The following ELF1 variants were observed in gnomAD, a reference collection of about 807,000 sequenced individuals.
ELF1 encodes the protein ETS-related transcription factor Elf-1.
In ELF1, 24 loss-of-function variants were observed where a neutral mutation model predicts 59.9. That is an observed-to-expected ratio of 0.40 (90% CI 0.29 to 0.56). ELF1 has a LOEUF of 0.56. Among genes scored for constraint, ELF1 ranks in the 20% least tolerant of loss-of-function variants. The probability of loss-of-function intolerance (pLI) is 0.44; values close to 1 mark genes in which losing one functional copy is unlikely to be tolerated. For synonymous variants in ELF1, 248 were observed against 266.2 expected, an observed-to-expected ratio of 0.93 and a Z score of 0.67; for missense variants, 627 against 742.2, an observed-to-expected ratio of 0.84 and a Z score of 1.80.
chr13:41,056,510 G>C (rs945021176), intron 1 of ELF1, among the ~76,000 whole-genome samples: 2 of 152,174 alleles, frequency 1.3e-5, no homozygotes, highest in Non-Finnish European at 2.9e-5. Context: ...GGAAATACTG[G>C]ATCATATGGT....
chr13:40,953,598 T>G (rs1389205815), intron 3 of ELF1, among the ~76,000 whole-genome samples: 1 of 152,154 alleles, frequency 6.6e-6, no homozygotes, highest in Non-Finnish European at 1.5e-5. Context: ...GAAAATAAAT[T>G]TCTCATTTGA....
At chr13:41,027,675 A>G (rs1269018295) in intron 1 of ELF1, among the ~76,000 whole-genome samples, 1 of 152,202 alleles carries the variant, frequency 6.6e-6, no homozygotes, top group Non-Finnish European at 1.5e-5. Flanking sequence ...GCTTCTCCCA[A>G]AACTACCATC....
intron 1 of ELF1, among the ~76,000 whole-genome samples, chr13:41,006,426 G>A (rs1039118277): frequency 1.3e-5 from 2 of 152,142 alleles, no homozygotes; most frequent in South Asian, 2.1e-4. Context: ...CTGATGCTTA[G>A]TGAAATAACC....
rs1456096696 is a variant in ELF1, at chr13:40,982,017, T to G, written c.38A>C (p.Glu13Ala). 1.9e-6 allele frequency: 3 copies of G among 1,612,116 alleles called. No homozygotes were observed. The highest frequency in any genetic ancestry group is 2.5e-6 in the Non-Finnish European group (3 of 1,179,022). Residue 13 changes from glutamate to alanine, a missense_variant, in exon 2 of 9, where the codon GAA (glutamate) becomes GCA (alanine). Around this residue, in one of 3 missense-constraint regions of ELF1, gnomAD observed 232 missense variants for 269.2 expected, o/e 0.86. Transcript: ENST00000239882. ...ATCCTCCATGACGTTACTAGCAAATTCAAATACTAGGTCGTTCTGTTGGAC... is the reference window on the plus strand; with the variant it reads ...ATCCTCCATGACGTTACTAGCAAATGCAAATACTAGGTCGTTCTGTTGGAC... Reference protein sequence around the residue: ...AVVQQNDLVFEFASNVMEDER... With the variant: ...AVVQQNDLVFAFASNVMEDER...
intron 1 of ELF1, among the ~76,000 whole-genome samples, chr13:40,994,996 A>AT (rs1293107977): frequency 6.6e-6 from 1 of 152,010 alleles, no homozygotes; most frequent in Non-Finnish European, 1.5e-5. Flanking sequence ...TCCCCAGGAG[A>AT]TTTTGCTACA....
intron 1 of ELF1, chr13:40,993,383 C>T: frequency 1.1e-6 from 1 of 911,052 alleles, no homozygotes; most frequent in Non-Finnish European, 1.8e-6. Context: ...GGGCAGTGCA[C>T]CGATGGGTCT....
At chr13:40,962,275 T>G (rs996615710) in intron 2 of ELF1, among the ~76,000 whole-genome samples, 3 of 152,224 alleles carry the variant, frequency 2.0e-5, no homozygotes, top group African/African-American at 7.2e-5. Flanking sequence ...TAATAATTTT[T>G]AAACTATTTA....
intron 1 of ELF1, among the ~76,000 whole-genome samples, chr13:41,004,645 C>T (rs549467486): frequency 6.6e-6 from 1 of 151,930 alleles, no homozygotes; most frequent in Non-Finnish European, 1.5e-5. Flanking sequence ...TTTACAGAAT[C>T]CTGATATACT....
At chr13:41,040,707 C>T (rs74932668) in intron 1 of ELF1, among the ~76,000 whole-genome samples, 6 of 152,218 alleles carry the variant, frequency 3.9e-5, no homozygotes, top group African/African-American at 7.2e-5. Flanking sequence ...CAGTAATGCT[C>T]GCTCATCTGC....
At chr13:41,032,123 G>T (rs1225275748) in intron 1 of ELF1, among the ~76,000 whole-genome samples, 2 of 151,774 alleles carry the variant, frequency 1.3e-5, no homozygotes, top group Non-Finnish European at 2.9e-5. Context: ...TTTGTCATTA[G>T]TAAAATTTAA....
At chr13:41,047,416 C>CTTGGT in intron 1 of ELF1, among the ~76,000 whole-genome samples, 1 of 152,254 alleles carries the variant, frequency 6.6e-6, no homozygotes, top group East Asian at 1.9e-4. Flanking sequence ...GTTTTATCTA[C>CTTGGT]CTTTGGTCTT....
intron 1 of ELF1, among the ~76,000 whole-genome samples, chr13:41,017,224 A>G (rs150164967): frequency 3.5e-4 from 53 of 152,124 alleles, no homozygotes; most frequent in African/African-American, 1.3e-3. Context: ...TATCACCAAG[A>G]TTATCACCAA....
rs763093221 is a variant in ELF1 at position 40,951,449 on chromosome 13, T to C, written c.254-13A>G. 2 of 1,611,190 alleles carry C rather than the reference T, an allele frequency of 1.2e-6. No homozygotes were observed. The highest frequency in any genetic ancestry group is 2.2e-5 in the East Asian group (1 of 44,830). On this transcript the variant is annotated splice_polypyrimidine_tract_variant and intron_variant, in intron 3 of 8. Coordinates refer to ENST00000239882, the MANE Select transcript of ELF1 (RefSeq NM_172373.4). ...CAAGAAGCTTCAACTGCAACACATTTAAAGAGAAAATTAAATTAACTACGA... is the reference window on the plus strand; with the variant it reads ...CAAGAAGCTTCAACTGCAACACATTCAAAGAGAAAATTAAATTAACTACGA...
At position 40,955,710 on chromosome 13, in the gene ELF1, T is replaced by G. The variant is rs935144320; in HGVS notation, c.253+3126A>C. Among the ~76,000 whole-genome samples the G allele has an allele frequency of 5.3e-4, 63 of 119,634 alleles. 2 individuals are homozygous for G. Among genetic ancestry groups the G allele is most frequent in the Non-Finnish European group, 7.1e-5 (4 of 56,654 alleles). 78.5% of individuals were successfully genotyped at this position (119,634 alleles called of 152,430 possible). A position where few individuals can be genotyped will look rare whatever the true frequency, so the allele number is the denominator to read the frequency against. On this transcript the variant is annotated intron_variant, in intron 3 of 8. Coordinates refer to ENST00000239882, the MANE Select transcript of ELF1 (RefSeq NM_172373.4). ...GCCCCCGGCCTGGCCAGCCGCCCCA[T>G]CCGGGAGGGAGGCGGGGAGGTCAGC...
chr13:41,032,481 G>C (rs1018396212), intron 1 of ELF1, among the ~76,000 whole-genome samples: 1 of 151,904 alleles, frequency 6.6e-6, no homozygotes, highest in African/African-American at 2.4e-5. Context: ...GCCTCCCAAA[G>C]TGCTGGGATT....
intron 1 of ELF1, among the ~76,000 whole-genome samples, chr13:41,017,626 A>G (rs899570395): frequency 1.3e-5 from 2 of 152,042 alleles, no homozygotes; most frequent in Non-Finnish European, 2.9e-5. Flanking sequence ...TTCAGTCTCT[A>G]TCACGTAAGA....
intron 3 of ELF1, among the ~76,000 whole-genome samples, chr13:40,958,077 T>A (rs1871565960): frequency 6.6e-6 from 1 of 152,150 alleles, no homozygotes; most frequent in Non-Finnish European, 1.5e-5. Flanking sequence ...TTCCAAACAG[T>A]TTTCTCAAAT....
intron 1 of ELF1, among the ~76,000 whole-genome samples, chr13:40,985,937 ACTT>A (rs779367453): frequency 2.0e-5 from 3 of 152,184 alleles, no homozygotes; most frequent in African/African-American, 4.8e-5. Flanking sequence ...AAGTGAAACT[ACTT>A]CTTCATCACA....
intron 1 of ELF1, among the ~76,000 whole-genome samples, chr13:40,983,689 G>GA (rs141544096): frequency 0.18 from 27,467 of 150,432 alleles, 2,655 homozygotes; most frequent in African/African-American, 0.22. Flanking sequence ...CTAGAAGAGG[G>GA]AAAAAAAAAG....
Sources: gnomAD v4.1 joint callset for allele counts (sites outside exome capture counted in the v4.1 genomes callset) on GRCh38, gnomAD v4.1.1 for gene constraint, gnomAD v4.1.1 regional missense constraint, MANE v1.5 for transcripts, NCBI Gene and HGNC (gene_info 2026-07-23, HGNC 2026-07-21) for gene names.